The following PIGN variants were observed in gnomAD, a reference collection of about 807,000 sequenced individuals.
The protein encoded by PIGN is phosphatidylinositol glycan anchor biosynthesis class N, also known as GPI ethanolamine phosphate transferase 1.
Under a neutral mutation model 125.4 loss-of-function variants are expected in PIGN, and 117 were observed. The ratio of observed to expected loss-of-function variants is 0.93; its 90% CI spans 0.80 to 1.09. The LOEUF is 1.09. PIGN is among the 50% of genes least tolerant of loss of function. The probability of loss-of-function intolerance (pLI) is 0.00; values close to 1 mark genes in which losing one functional copy is unlikely to be tolerated. For missense variants in PIGN, 1,075 were observed against 1,094.9 expected, an observed-to-expected ratio of 0.98 and a Z score of 0.26; for synonymous variants, 392 against 377.8, an observed-to-expected ratio of 1.04 and a Z score of -0.44.
In PIGN at chr18:62,163,674, A is replaced by T. The variant is rs1008109011; in HGVS notation, c.-235-18T>A. On this transcript the variant is annotated intron_variant, in intron 1 of 30. Transcript: ENST00000640252. ...TACTGTTTCTAGAACATAAAACATT[A>T]AAAAAATTGTTAAAAAATTCACATA... The T allele has an allele frequency of 6.6e-6, 1 of 152,150 alleles. No individual in the cohort carries two copies. The highest frequency in any genetic ancestry group is 1.5e-5 in the Non-Finnish European group (1 of 68,004). 9.4% of individuals were successfully genotyped at this position (152,150 alleles called of 1,614,324 possible). A position where few individuals can be genotyped will look rare whatever the true frequency, so the allele number is the denominator to read the frequency against.
At chr18:62,173,498 T>C (rs992265495) in intron 1 of PIGN, among the ~76,000 whole-genome samples, 1 of 152,196 alleles carries the variant, frequency 6.6e-6, no homozygotes, top group African/African-American at 2.4e-5. Flanking sequence ...TCCCAAAAAG[T>C]GCTGGGATTA....
At chr18:62,163,842 CCT>C (rs1253078128) in intron 1 of PIGN, among the ~76,000 whole-genome samples, 186 bp from the exon 2 acceptor site, 1 of 152,178 alleles carries the variant, frequency 6.6e-6, no homozygotes, top group Non-Finnish European at 1.5e-5. Flanking sequence ...TCCATTCGCC[CCT>C]GTCCTAACCC....
At chr18:62,170,244 C>T (rs1368963185) in intron 1 of PIGN, among the ~76,000 whole-genome samples, 1 of 152,186 alleles carries the variant, frequency 6.6e-6, no homozygotes, top group Admixed American at 6.5e-5. Context: ...TAGATGCAGG[C>T]ATACCACATC....
chr18:62,076,414 C>A (rs964437082), intron 28 of PIGN, among the ~76,000 whole-genome samples: 2 of 152,086 alleles, frequency 1.3e-5, no homozygotes, highest in Non-Finnish European at 2.9e-5. Context: ...GTCAGATAAC[C>A]TGGTTTGTAA....
intron 30 of PIGN, among the ~76,000 whole-genome samples, chr18:62,068,854 C>T (rs768596050): frequency 5.9e-5 from 9 of 152,174 alleles, no homozygotes; most frequent in Non-Finnish European, 1.2e-4. Context: ...TCTTGTAAGC[C>T]CCACACTTGC....
At chr18:62,116,679 A>G (rs1042034972) in intron 14 of PIGN, among the ~76,000 whole-genome samples, 1 of 152,218 alleles carries the variant, frequency 6.6e-6, no homozygotes, top group Non-Finnish European at 1.5e-5. Flanking sequence ...GGGCCAAGAT[A>G]ATGTCTTATA....
At chr18:62,034,981 C>T (rs4941100) in intron 23 of PIGN, among the ~76,000 whole-genome samples, 33,386 of 151,938 alleles carry the variant, frequency 0.22, 3,895 homozygotes, top group East Asian at 0.32. Flanking sequence ...TGTAATAATC[C>T]CCACTTGTCA....
chr18:62,153,357 C>T (rs939987885), intron 7 of PIGN: 1 of 152,046 alleles, frequency 6.6e-6, no homozygotes, highest in Non-Finnish European at 1.5e-5. Flanking sequence ...AAGTCATGTG[C>T]AAATCTTTTT....
At chr18:62,111,945 AT>A (rs1438655926) in intron 16 of PIGN, among the ~76,000 whole-genome samples, 5 of 152,098 alleles carry the variant, frequency 3.3e-5, no homozygotes, top group Admixed American at 6.6e-5. Flanking sequence ...ATAAAAACAT[AT>A]TTTTTTCTCA....
At chr18:62,056,027 T>C (rs1460287911) in intron 30 of PIGN, among the ~76,000 whole-genome samples, 1 of 136,614 alleles carries the variant, frequency 7.3e-6, no homozygotes, top group Non-Finnish European at 1.6e-5. Context: ...TTTAAGTTGG[T>C]GCAAAAGTAA....
chr18:62,140,346 T>C (rs1019417210), intron 12 of PIGN, 74 bp downstream of exon 12: 2 of 667,922 alleles, frequency 3.0e-6, no homozygotes, highest in African/African-American at 3.7e-5. Flanking sequence ...CAGAAACACA[T>C]AAAAAAGAGT....
chr18:62,055,374 A>G (rs2031641221), intron 30 of PIGN, among the ~76,000 whole-genome samples: 1 of 152,214 alleles, frequency 6.6e-6, no homozygotes, highest in Admixed American at 6.5e-5. Context: ...TTACTCTGAC[A>G]GTGAAAAAAA....
At chr18:62,111,039 G>A (rs1209021258) in intron 16 of PIGN, among the ~76,000 whole-genome samples, 4 of 151,328 alleles carry the variant, frequency 2.6e-5, no homozygotes, top group Non-Finnish European at 4.4e-5. Context: ...TCAGTCCCTC[G>A]AACAAACCTC....
At chr18:62,093,035 AGTACAC>A (rs1436602398) in intron 23 of PIGN, among the ~76,000 whole-genome samples, 3 of 152,110 alleles carry the variant, frequency 2.0e-5, no homozygotes, top group Non-Finnish European at 4.4e-5. Flanking sequence ...GTACACTAGC[AGTACAC>A]TAATGGTTCT....
At chr18:62,054,162 T>C (rs1599405556) in intron 30 of PIGN, among the ~76,000 whole-genome samples, 1 of 135,488 alleles carries the variant, frequency 7.4e-6, no homozygotes, top group Middle Eastern at 3.6e-3. Context: ...GTGTAAACCA[T>C]ATACCTGATA....
At chr18:62,064,628 C>A (rs1166128553) in intron 30 of PIGN, among the ~76,000 whole-genome samples, 7 of 152,200 alleles carry the variant, frequency 4.6e-5, no homozygotes, top group Non-Finnish European at 8.8e-5. Context: ...TTCTTCACAT[C>A]ATTTCATGAG....
At chr18:62,061,656 C>T (rs917528245) in intron 30 of PIGN, among the ~76,000 whole-genome samples, 1 of 151,862 alleles carries the variant, frequency 6.6e-6, no homozygotes, top group African/African-American at 2.4e-5. Flanking sequence ...TAAAATTCGT[C>T]ATGAAGGGGA....
chr18:62,179,546 C>A (rs904678323), intron 1 of PIGN, among the ~76,000 whole-genome samples: 1 of 152,086 alleles, frequency 6.6e-6, no homozygotes, highest in Non-Finnish European at 1.5e-5. Context: ...GAGTTTGAGA[C>A]CAGCCTGGGC....
intron 28 of PIGN, among the ~76,000 whole-genome samples, chr18:62,077,037 C>T (rs2033207095): frequency 6.6e-6 from 1 of 152,100 alleles, no homozygotes; most frequent in Non-Finnish European, 1.5e-5. Flanking sequence ...AATATTCTAC[C>T]CTATGGACCC....
Sources: gnomAD v4.1 joint callset for allele counts (sites outside exome capture counted in the v4.1 genomes callset) on GRCh38, gnomAD v4.1.1 for gene constraint, MANE v1.5 for transcripts, NCBI Gene and HGNC (gene_info 2026-07-23, HGNC 2026-07-21) for gene names.